The following ZNF704 variants were observed in gnomAD, a reference collection of about 807,000 sequenced individuals.
The protein encoded by ZNF704 is glucocorticoid induced gene 1.
ZNF704 carries 10 observed loss-of-function variants against 44.7 expected under a neutral mutation model. The ratio of observed to expected loss-of-function variants is 0.22; its 90% CI spans 0.14 to 0.38. The LOEUF is 0.38. ZNF704 is among the 10% of genes least tolerant of loss of function. The pLI is 1.00. For synonymous variants in ZNF704, 211 were observed against 207.6 expected, an observed-to-expected ratio of 1.02 and a Z score of -0.14; for missense variants, 390 against 545.5, an observed-to-expected ratio of 0.71 and a Z score of 2.84.
intron 2 of ZNF704, among the ~76,000 whole-genome samples, chr8:80,805,886 A>G (rs1807981911): frequency 6.6e-6 from 1 of 152,170 alleles, no homozygotes; most frequent in Non-Finnish European, 1.5e-5. Flanking sequence ...CACTGGTTGC[A>G]TTGATCTCTC....
At chr8:80,641,843 G>A (rs992409825) in intron 8 of ZNF704, among the ~76,000 whole-genome samples, 2 of 152,148 alleles carry the variant, frequency 1.3e-5, no homozygotes, top group African/African-American at 4.8e-5. Flanking sequence ...GGGAGACAGC[G>A]ACTTCTCTCT....
chr8:80,779,999 T>C (rs1340671680), intron 2 of ZNF704, among the ~76,000 whole-genome samples: 1 of 152,036 alleles, frequency 6.6e-6, no homozygotes, highest in Non-Finnish European at 1.5e-5. Context: ...AAAGCTCTCA[T>C]GGGGAGGTAG....
chr8:80,786,174 G>A (rs1807610773), intron 2 of ZNF704, among the ~76,000 whole-genome samples: 1 of 152,124 alleles, frequency 6.6e-6, no homozygotes, highest in East Asian at 1.9e-4. Flanking sequence ...GAAGTGGGAG[G>A]ATCACTTATG....
chr8:80,768,570 A>G (rs1807267197), intron 2 of ZNF704, among the ~76,000 whole-genome samples: 1 of 152,204 alleles, frequency 6.6e-6, no homozygotes, highest in Non-Finnish European at 1.5e-5. Context: ...CACACTTTTA[A>G]TGAGAAGGGA....
intron 2 of ZNF704, among the ~76,000 whole-genome samples, chr8:80,725,949 TAGTG>T (rs1203686811): frequency 6.6e-6 from 1 of 152,146 alleles, no homozygotes; most frequent in Non-Finnish European, 1.5e-5. Context: ...CTAATGTAGG[TAGTG>T]AGTAACACAC....
upstream of ZNF704, among the ~76,000 whole-genome samples, chr8:80,875,455 C>G (rs2130093215): frequency 6.6e-6 from 1 of 152,236 alleles, no homozygotes; most frequent in Non-Finnish European, 1.5e-5. Context: ...AAGGCGCGCT[C>G]CACCATGCCA....
At chr8:80,865,167 T>C (rs1032691346) in intron 1 of ZNF704, among the ~76,000 whole-genome samples, 2 of 152,232 alleles carry the variant, frequency 1.3e-5, no homozygotes, top group South Asian at 2.1e-4. Context: ...AGCACAGTTT[T>C]ACAAATGTTT....
At chr8:80,743,618 C>T (rs1345785123) in intron 2 of ZNF704, among the ~76,000 whole-genome samples, 1 of 152,208 alleles carries the variant, frequency 6.6e-6, no homozygotes, top group Non-Finnish European at 1.5e-5. Context: ...TGGAAAGGCT[C>T]CTGGTAGCTC....
At chr8:80,799,359 A>C (rs1807861240) in intron 2 of ZNF704, among the ~76,000 whole-genome samples, 1 of 152,204 alleles carries the variant, frequency 6.6e-6, no homozygotes, top group Non-Finnish European at 1.5e-5. Context: ...TTTAGACCTG[A>C]ACTCTGAAGT....
In ZNF704 at chr8:80,634,706, C is replaced by T. The variant is rs1817639592; in HGVS notation, c.*6660G>A. On this transcript the variant is annotated 3_prime_UTR_variant, in exon 9 of 9. Coordinates refer to ENST00000327835, the MANE Select transcript of ZNF704 (RefSeq NM_001033723.3). The stretch of plus-strand genomic sequence containing the variant: ...GTGTTCTGCAGTTCAACCTGGTCTC[C>T]ACCATTCTTGTGTTCCTCTTTGCCT... The T allele has an allele frequency of 6.6e-6, 1 of 152,268 alleles. No individual in the cohort carries two copies. Among genetic ancestry groups the T allele is most frequent in the African/African-American group, 2.4e-5 (1 of 41,454 alleles). 9.4% of individuals were successfully genotyped at this position (152,268 alleles called of 1,614,324 possible). A position where few individuals can be genotyped will look rare whatever the true frequency, so the allele number is the denominator to read the frequency against.
intron 1 of ZNF704, among the ~76,000 whole-genome samples, chr8:80,863,997 T>C (rs772769535): frequency 1.3e-5 from 2 of 152,228 alleles, no homozygotes; most frequent in African/African-American, 2.4e-5. Flanking sequence ...TCTTCCACAC[T>C]AGACCCATCG....
At chr8:80,653,925 C>T (rs1817965514) in intron 7 of ZNF704, among the ~76,000 whole-genome samples, 1 of 152,130 alleles carries the variant, frequency 6.6e-6, no homozygotes, top group Non-Finnish European at 1.5e-5. Context: ...CATCACGCTA[C>T]CTGACTTCAA....
At chr8:80,877,053 C>G (rs1809364017), upstream of ZNF704, among the ~76,000 whole-genome samples, 1 of 152,074 alleles carries the variant, frequency 6.6e-6, no homozygotes, top group South Asian at 2.1e-4. Flanking sequence ...AGATGATACA[C>G]TATTGTACAT....
upstream of ZNF704, among the ~76,000 whole-genome samples, chr8:80,875,598 C>A (rs1301318627): frequency 2.6e-5 from 4 of 152,314 alleles, no homozygotes; most frequent in South Asian, 6.2e-4. Flanking sequence ...GCCACCGTGC[C>A]CGGCCTTAAG....
chr8:80,826,096 T>G (rs1003375142), intron 1 of ZNF704, among the ~76,000 whole-genome samples: 9 of 151,662 alleles, frequency 5.9e-5, no homozygotes, highest in Non-Finnish European at 1.3e-4. Flanking sequence ...CTGAAAGAAA[T>G]AGAGACACAA....
intron 1 of ZNF704, among the ~76,000 whole-genome samples, chr8:80,843,726 T>A (rs1211098688): frequency 6.6e-6 from 1 of 152,174 alleles, no homozygotes; most frequent in Non-Finnish European, 1.5e-5. Flanking sequence ...GGAGGTTGTA[T>A]GAAAGACTTC....
At chr8:80,706,937 G>T (rs901025724) in intron 2 of ZNF704, among the ~76,000 whole-genome samples, 1 of 152,114 alleles carries the variant, frequency 6.6e-6, no homozygotes, top group African/African-American at 2.4e-5. Flanking sequence ...CCCCTTTTAA[G>T]CTGCTTAAGT....
chr8:80,796,455 A>G (rs1028312072), intron 2 of ZNF704, among the ~76,000 whole-genome samples: 4 of 152,158 alleles, frequency 2.6e-5, no homozygotes, highest in African/African-American at 9.7e-5. Context: ...TCTCAATACC[A>G]CCACATTGGA....
chr8:80,784,193 G>A (rs1309790620), intron 2 of ZNF704, among the ~76,000 whole-genome samples: 1 of 152,172 alleles, frequency 6.6e-6, no homozygotes, highest in Non-Finnish European at 1.5e-5. Context: ...TTGCTTCCAA[G>A]TTTTGGCAAG....
Sources: gnomAD v4.1 joint callset for allele counts (sites outside exome capture counted in the v4.1 genomes callset) on GRCh38, gnomAD v4.1.1 for gene constraint, MANE v1.5 for transcripts, NCBI Gene and HGNC (gene_info 2026-07-23, HGNC 2026-07-21) for gene names.